PLAC1: variants seen among roughly 807,000 people sequenced by gnomAD.
The protein encoded by PLAC1 is placenta associated 1, also known as placenta-specific protein 1.
For synonymous variants in PLAC1, 68 were observed against 62.1 expected (o/e 1.09, Z -0.44); for missense variants, 136 against 163.2 (o/e 0.83, Z 0.91).
chrX:134,588,993 T>C (rs2078020597), intron 2 of PLAC1, among the ~76,000 whole-genome samples: 1 of 111,497 alleles, frequency 9.0e-6, no homozygotes, highest in African/African-American at 3.3e-5. Context: ...AGCTTATGTG[T>C]GAGAGGCTAA....
chrX:134,655,135 A>T (rs1423518563), intron 1 of PLAC1, among the ~76,000 whole-genome samples: 1 of 110,861 alleles, frequency 9.0e-6, no homozygotes. Context: ...TTCCCCCCAT[A>T]CCCTTTTTTA....
At chrX:134,589,943 C>T (rs1284409006) in intron 2 of PLAC1, among the ~76,000 whole-genome samples, 1 of 111,025 alleles carries the variant, frequency 9.0e-6, no homozygotes, top group Non-Finnish European at 1.9e-5. Flanking sequence ...CGCCTGTAAT[C>T]CCAGCACTTT....
intron 2 of PLAC1, among the ~76,000 whole-genome samples, chrX:134,680,221 G>A (rs2078489832): frequency 8.9e-6 from 1 of 111,754 alleles, no homozygotes; most frequent in Admixed American, 9.5e-5. Flanking sequence ...TTGTCACAAC[G>A]ACCCTAAGAA....
At chrX:134,627,334 C>A (rs1226188037) in intron 1 of PLAC1, among the ~76,000 whole-genome samples, 2 of 111,950 alleles carry the variant, frequency 1.8e-5, no homozygotes, top group Non-Finnish European at 3.8e-5. Flanking sequence ...AAGGTTCCCT[C>A]CCACACCCCT....
intron 2 of PLAC1, among the ~76,000 whole-genome samples, chrX:134,730,408 T>A (rs973919505): frequency 7.2e-5 from 8 of 111,387 alleles, no homozygotes; most frequent in African/African-American, 2.6e-4. Flanking sequence ...ACCACAGAAT[T>A]CATTCATACT....
chrX:134,619,926 T>A (rs1215259308), intron 1 of PLAC1, among the ~76,000 whole-genome samples: 1 of 112,103 alleles, frequency 8.9e-6, no homozygotes, highest in Non-Finnish European at 1.9e-5. Context: ...AGCTGGAAAC[T>A]ATAGGTACAG....
intron 1 of PLAC1, among the ~76,000 whole-genome samples, chrX:134,614,931 G>A (rs1306493045): frequency 1.8e-5 from 2 of 111,380 alleles, no homozygotes; most frequent in Non-Finnish European, 3.8e-5. Flanking sequence ...GATTACAGGC[G>A]TGTACCACTG....
chrX:134,675,684 A>C (rs1299839032), intron 2 of PLAC1, among the ~76,000 whole-genome samples: 2 of 111,050 alleles, frequency 1.8e-5, no homozygotes, highest in Admixed American at 9.6e-5. Flanking sequence ...AAAAAAAGAA[A>C]GTGGCCTTTT....
intron 1 of PLAC1, among the ~76,000 whole-genome samples, chrX:134,739,086 T>A (rs2078710743): frequency 8.9e-6 from 1 of 112,304 alleles, no homozygotes; most frequent in Non-Finnish European, 1.9e-5. Context: ...TTTCATATCG[T>A]GCTGTTAAAG....
At chrX:134,717,054 G>A (rs1246945213) in intron 2 of PLAC1, among the ~76,000 whole-genome samples, 1 of 111,905 alleles carries the variant, frequency 8.9e-6, no homozygotes, top group Non-Finnish European at 1.9e-5. Context: ...AGGCTGCTGG[G>A]AGTGCTGATC....
At chrX:134,657,878 A>C (rs2078400007) in intron 1 of PLAC1, among the ~76,000 whole-genome samples, 1 of 111,882 alleles carries the variant, frequency 8.9e-6, no homozygotes, top group African/African-American at 3.3e-5. Context: ...GAGAATGATG[A>C]GATGGCAAGT....
chrX:134,585,500 G>C (rs1439439175), intron 2 of PLAC1, among the ~76,000 whole-genome samples: 1 of 111,261 alleles, frequency 9.0e-6, no homozygotes. Context: ...TTCCACATGT[G>C]CTGAGAGTGA....
At chrX:134,734,113 C>G (rs2078696563) in intron 1 of PLAC1, among the ~76,000 whole-genome samples, 1 of 112,380 alleles carries the variant, frequency 8.9e-6, no homozygotes, top group Non-Finnish European at 1.9e-5. Context: ...CTAGCTGTGC[C>G]TTGTTTGGGA....
intron 1 of PLAC1, among the ~76,000 whole-genome samples, chrX:134,642,813 G>A (rs1021350108): frequency 3.6e-5 from 4 of 111,029 alleles, no homozygotes; most frequent in African/African-American, 1.3e-4. Context: ...AGCTCTTTGG[G>A]AAGACCATGA....
chrX:134,687,867 T>TATAG (rs2078523561), intron 2 of PLAC1, among the ~76,000 whole-genome samples: 7 of 52,294 alleles, frequency 1.3e-4, no homozygotes, highest in African/African-American at 5.4e-4. Flanking sequence ...TATATATATA[T>TATAG]AGCACCTAGC....
chrX:134,695,473 C>T (rs1214302075), intron 2 of PLAC1, among the ~76,000 whole-genome samples: 1 of 111,853 alleles, frequency 8.9e-6, no homozygotes, highest in Non-Finnish European at 1.9e-5. Context: ...GATTGTGGTG[C>T]CTACAAGACA....
At chrX:134,681,952 C>G (rs2078498360) in intron 2 of PLAC1, among the ~76,000 whole-genome samples, 1 of 111,740 alleles carries the variant, frequency 8.9e-6, no homozygotes, top group Non-Finnish European at 1.9e-5. Context: ...GATGTTGTGT[C>G]CTCATATTGA....
chrX:134,718,818 A>C (rs1228273773), intron 2 of PLAC1, among the ~76,000 whole-genome samples: 4 of 111,845 alleles, frequency 3.6e-5, no homozygotes, highest in African/African-American at 1.3e-4. Context: ...TCTCTAGCAG[A>C]AGGAGGGGAG....
chrX:134,703,249 A>G (rs932740080), intron 2 of PLAC1, among the ~76,000 whole-genome samples: 2 of 112,160 alleles, frequency 1.8e-5, no homozygotes, highest in Non-Finnish European at 3.8e-5. Context: ...TAGACAAATC[A>G]TAGTGAAAAC....
Sources: allele counts gnomAD v4.1 joint callset (sites outside exome capture counted in the v4.1 genomes callset), GRCh38; gene constraint gnomAD v4.1.1; transcripts MANE v1.5; gene names NCBI Gene and HGNC (gene_info 2026-07-23, HGNC 2026-07-21).